Variants in SULT4A1 observed in about 807,000 individuals in gnomAD.
SULT4A1 encodes sulfotransferase 4A1.
A neutral mutation model predicts 35.2 loss-of-function variants in SULT4A1; 11 were observed. That is an observed-to-expected ratio of 0.31 (90% CI 0.20 to 0.52). The LOEUF (loss-of-function observed/expected upper bound fraction) is 0.52. Ranked by LOEUF, SULT4A1 falls within the 20% of genes least tolerant of loss-of-function variation. The pLI, the probability that SULT4A1 is intolerant of heterozygous loss-of-function variation, is 0.97. For missense variants in SULT4A1, 271 were observed against 383.7 expected (o/e 0.71, Z 2.45); for synonymous variants, 152 against 151.8 (o/e 1.00, Z -0.01).
At chr22:43,852,150 A>G (rs1172324824) in intron 1 of SULT4A1, among the ~76,000 whole-genome samples, 5 of 152,068 alleles carry the variant, frequency 3.3e-5, no homozygotes, top group African/African-American at 9.7e-5. Context: ...GGATGCCAGA[A>G]TCCCCCAGCT....
Position 43,831,854 on chromosome 22 carries a change from G to C in SULT4A1, c.603+1786C>G, listed in dbSNP as rs1159865525. On this transcript the variant is annotated intron_variant, in intron 5 of 6. Coordinates refer to ENST00000330884, the MANE Select transcript of SULT4A1 (RefSeq NM_014351.4). ...GGAAGGTGGCTGCCCAGATGTGACA[G>C]GTAAAAGGCTGTCAAGCCCCACGTG... Among the ~76,000 whole-genome samples the C allele has an allele frequency of 1.3e-5, 2 of 152,250 alleles. 1 individual carries two copies. Among genetic ancestry groups the C allele is most frequent in the East Asian group, 3.8e-4 (2 of 5,202 alleles).
intron 1 of SULT4A1, among the ~76,000 whole-genome samples, chr22:43,857,142 T>C (rs960471359): frequency 1.3e-5 from 2 of 151,620 alleles, no homozygotes; most frequent in African/African-American, 4.8e-5. Context: ...AACAGAAACA[T>C]TGAATGCTTC....
At chr22:43,832,309 G>A (rs1309308466) in intron 5 of SULT4A1, among the ~76,000 whole-genome samples, 1 of 152,176 alleles carries the variant, frequency 6.6e-6, no homozygotes, top group East Asian at 1.9e-4. Context: ...CATGGCGCGT[G>A]TGACCTTAGA....
Position 43,862,399 on chromosome 22 carries a change from T to TCGC in SULT4A1, c.-20_-18dup, listed in dbSNP as rs1191465373. ...CTCCGCCATGCCGCCGCCGTCGCCG[T>TCGC]CGCCGCCGCCGCCTCCCGGCTCGCA... On this transcript the variant is annotated 5_prime_UTR_variant, in exon 1 of 7. Transcript: ENST00000330884. 9.6e-6 allele frequency: 12 copies of TCGC among 1,255,698 alleles called. No homozygotes were observed. The highest frequency in any genetic ancestry group is 6.7e-5 in the South Asian group (3 of 44,824). 77.8% of individuals were successfully genotyped at this position (1,255,698 alleles called of 1,614,324 possible). A position where few individuals can be genotyped will look rare whatever the true frequency, so the allele number is the denominator to read the frequency against.
At chr22:43,858,077 GA>G (rs1285293121) in intron 1 of SULT4A1, among the ~76,000 whole-genome samples, 4 of 135,920 alleles carry the variant, frequency 2.9e-5, no homozygotes, top group East Asian at 2.2e-4. Context: ...AGGAAAGAAA[GA>G]AAAAAAAAGA....
At chr22:43,849,954 C>A (rs544993136) in intron 1 of SULT4A1, among the ~76,000 whole-genome samples, 1 of 152,234 alleles carries the variant, frequency 6.6e-6, no homozygotes, top group Non-Finnish European at 1.5e-5. Context: ...GCCTCGCTCA[C>A]CTGCGTGCTC....
chr22:43,833,926 C>T (rs756292094), intron 4 of SULT4A1, among the ~76,000 whole-genome samples, 192 bp from the exon 5 acceptor site: 63 of 152,338 alleles, frequency 4.1e-4, no homozygotes, highest in Middle Eastern at 3.4e-3. Flanking sequence ...CTCCCGCCTT[C>T]GGCACGCCTT....
intron 1 of SULT4A1, among the ~76,000 whole-genome samples, chr22:43,848,253 G>A (rs536968875): frequency 1.3e-5 from 2 of 152,282 alleles, no homozygotes; most frequent in Admixed American, 1.3e-4. Flanking sequence ...GAGATGACAC[G>A]CAGAAGGGCC....
intron 4 of SULT4A1, 123 bp downstream of exon 4, chr22:43,838,744 G>T: frequency 7.4e-7 from 1 of 1,344,216 alleles, no homozygotes; most frequent in Non-Finnish European, 1.0e-6. Context: ...GTGACCGCGG[G>T]CCTGACCTAC....
chr22:43,849,282 G>A (rs551131697), intron 1 of SULT4A1, among the ~76,000 whole-genome samples: 1 of 152,256 alleles, frequency 6.6e-6, no homozygotes, highest in South Asian at 2.1e-4. Flanking sequence ...CTGTGATAGG[G>A]ACAGGGGGCA....
At chr22:43,828,651 CAGTT>C (rs2063304867) in intron 6 of SULT4A1, among the ~76,000 whole-genome samples, 2 of 152,214 alleles carry the variant, frequency 1.3e-5, no homozygotes, top group African/African-American at 4.8e-5. Context: ...TCCCACAAGT[CAGTT>C]AGAGACTGAG....
intron 5 of SULT4A1, among the ~76,000 whole-genome samples, chr22:43,829,575 G>GCAGA (rs1410807193): frequency 2.0e-5 from 3 of 152,226 alleles, no homozygotes; most frequent in African/African-American, 7.2e-5. Flanking sequence ...CTGTCAGCTG[G>GCAGA]CGTCTGGGCT....
chr22:43,841,663 C>T (rs192925287), intron 2 of SULT4A1, 139 bp downstream of exon 2: 1 of 1,366,138 alleles, frequency 7.3e-7, no homozygotes, highest in African/African-American at 1.4e-5. Context: ...TCAGGCCTGC[C>T]AGCTTCTCCC....
At chr22:43,826,204 C>A in intron 6 of SULT4A1, 91 bp from the exon 7 acceptor site, 1 of 1,566,008 alleles carries the variant, frequency 6.4e-7, no homozygotes, top group Non-Finnish European at 8.6e-7. Context: ...CTGGAACATT[C>A]CAGATCTATT....
intron 1 of SULT4A1, among the ~76,000 whole-genome samples, chr22:43,851,865 G>A (rs976625901): frequency 1.3e-5 from 2 of 152,280 alleles, no homozygotes; most frequent in East Asian, 1.9e-4. Flanking sequence ...TTCCTGGGCT[G>A]GGCTGCTGGA....
At chr22:43,828,257 T>C (rs190194207) in intron 6 of SULT4A1, among the ~76,000 whole-genome samples, 9 of 152,356 alleles carry the variant, frequency 5.9e-5, no homozygotes, top group Admixed American at 2.6e-4. Context: ...AGGTTCATAC[T>C]TACCAACAGG....
intron 1 of SULT4A1, among the ~76,000 whole-genome samples, chr22:43,855,484 C>T (rs908693345): frequency 2.0e-5 from 3 of 152,142 alleles, no homozygotes; most frequent in Admixed American, 6.5e-5. Context: ...GTCCTGAAGC[C>T]CAAGCCAGGG....
chr22:43,833,548 T>C (rs1219061849), intron 5 of SULT4A1, 92 bp downstream of exon 5: 2 of 601,064 alleles, frequency 3.3e-6, no homozygotes, highest in African/African-American at 2.5e-5. Context: ...CTCCTCCTCC[T>C]CCCACACGCC....
At chr22:43,842,975 A>ATCTCTCTC (rs695712) in intron 1 of SULT4A1, among the ~76,000 whole-genome samples, 10,434 of 144,462 alleles carry the variant, frequency 0.072, 956 homozygotes, top group African/African-American at 0.21. Context: ...AGTAAACAGC[A>ATCTCTCTC]TCTCTCTCTC....
Sources: allele counts gnomAD v4.1 joint callset (sites outside exome capture counted in the v4.1 genomes callset), GRCh38; gene constraint gnomAD v4.1.1; transcripts MANE v1.5; gene names NCBI Gene and HGNC (gene_info 2026-07-23, HGNC 2026-07-21).